The following TBC1D22A variants were observed in gnomAD, a reference collection of about 807,000 sequenced individuals.
The protein encoded by TBC1D22A is TBC1 domain family member 22A, also known as putative GTPase activator.
TBC1D22A carries 38 observed loss-of-function variants against 60.2 expected under a neutral mutation model. That is an observed-to-expected ratio of 0.63 (90% CI 0.49 to 0.83). The LOEUF (loss-of-function observed/expected upper bound fraction) is 0.83, where lower values mean the gene tolerates loss of function less well. TBC1D22A is among the 40% of genes least tolerant of loss of function. The pLI, the probability that TBC1D22A is intolerant of heterozygous loss-of-function variation, is 0.00. For synonymous variants in TBC1D22A, 302 were observed against 281.7 expected, an observed-to-expected ratio of 1.07 and a Z score of -0.72; for missense variants, 628 against 701.0, an observed-to-expected ratio of 0.90 and a Z score of 1.18.
chr22:46,977,621 C>T (rs2074353655), intron 9 of TBC1D22A, among the ~76,000 whole-genome samples: 1 of 152,180 alleles, frequency 6.6e-6, no homozygotes, highest in Non-Finnish European at 1.5e-5. Flanking sequence ...TAAAGAAGTG[C>T]CTGAGACTGG....
At chr22:47,148,517 G>A (rs942183583) in intron 12 of TBC1D22A, among the ~76,000 whole-genome samples, 16 of 151,932 alleles carry the variant, frequency 1.1e-4, no homozygotes, top group African/African-American at 3.9e-4. Flanking sequence ...TGCGTCTCAA[G>A]GGCCTGAACA....
At chr22:47,127,544 TG>T (rs1216088274) in intron 12 of TBC1D22A, among the ~76,000 whole-genome samples, 2 of 152,054 alleles carry the variant, frequency 1.3e-5, no homozygotes, top group African/African-American at 4.8e-5. Flanking sequence ...TCTTTTGACG[TG>T]GGCCTCCTAG....
At chr22:47,170,718 A>G (rs1270067894) in intron 12 of TBC1D22A, among the ~76,000 whole-genome samples, 3 of 137,980 alleles carry the variant, frequency 2.2e-5, no homozygotes, top group African/African-American at 1.0e-4. Context: ...CTCCTGATGC[A>G]GGACCGGAGA....
chr22:47,101,187 G>T (rs2065400783), intron 11 of TBC1D22A, among the ~76,000 whole-genome samples: 2 of 152,170 alleles, frequency 1.3e-5, no homozygotes, highest in Non-Finnish European at 2.9e-5. Flanking sequence ...TTCTTTTGTT[G>T]TATTAATCAG....
intron 4 of TBC1D22A, among the ~76,000 whole-genome samples, chr22:46,805,795 A>G (rs1159801955): frequency 9.4e-6 from 1 of 106,560 alleles, no homozygotes; most frequent in East Asian, 2.7e-4. Context: ...GCCCCCCCAC[A>G]CCCCCCACCC....
chr22:47,089,674 C>T (rs2064842942), intron 11 of TBC1D22A, among the ~76,000 whole-genome samples: 1 of 152,108 alleles, frequency 6.6e-6, no homozygotes, highest in South Asian at 2.1e-4. Flanking sequence ...AAGATCCTGT[C>T]TTGTTTCTTA....
At chr22:47,060,387 G>A (rs976355263) in intron 11 of TBC1D22A, among the ~76,000 whole-genome samples, 10 of 151,604 alleles carry the variant, frequency 6.6e-5, no homozygotes, top group South Asian at 2.1e-4. Context: ...GATTACAGGC[G>A]CCCACCACCA....
chr22:47,089,107 AAG>A (rs1414673984), intron 11 of TBC1D22A, among the ~76,000 whole-genome samples: 2 of 152,216 alleles, frequency 1.3e-5, no homozygotes, highest in Admixed American at 6.5e-5. Flanking sequence ...TTAAATGAGT[AAG>A]AGAGTTGGCT....
chr22:47,161,294 G>A (rs1369837133), intron 12 of TBC1D22A, among the ~76,000 whole-genome samples: 1 of 152,040 alleles, frequency 6.6e-6, no homozygotes, highest in African/African-American at 2.4e-5. Flanking sequence ...GCGACTGTCG[G>A]GGGCGGTCCA....
chr22:46,772,531 T>C (rs534626349), intron 1 of TBC1D22A, among the ~76,000 whole-genome samples: 4 of 45,818 alleles, frequency 8.7e-5, no homozygotes, highest in African/African-American at 3.9e-4. Flanking sequence ...TATACACACA[T>C]ATACATATAT....
At chr22:47,002,504 TA>T (rs370733169) in intron 10 of TBC1D22A, among the ~76,000 whole-genome samples, 2,041 of 152,354 alleles carry the variant, frequency 0.013, 20 homozygotes, top group Middle Eastern at 0.031. Context: ...ATTTTTTGAT[TA>T]AAAAAACCAT....
intron 8 of TBC1D22A, among the ~76,000 whole-genome samples, chr22:46,929,573 A>G (rs1193579303): frequency 2.0e-5 from 3 of 152,184 alleles, no homozygotes; most frequent in Non-Finnish European, 4.4e-5. Flanking sequence ...GAGCTCAAAG[A>G]TGCTAAGTGA....
At chr22:47,133,841 C>T (rs1339770248) in intron 12 of TBC1D22A, among the ~76,000 whole-genome samples, 4 of 152,234 alleles carry the variant, frequency 2.6e-5, no homozygotes, top group Admixed American at 2.0e-4. Flanking sequence ...ACGATCAACA[C>T]GGCCCCGGGC....
chr22:46,841,122 G>C (rs2086750550), intron 4 of TBC1D22A, among the ~76,000 whole-genome samples: 1 of 151,944 alleles, frequency 6.6e-6, no homozygotes. Flanking sequence ...GATTGCCATG[G>C]CCTTAATGAT....
At chr22:47,023,034 A>G (rs190604539) in intron 10 of TBC1D22A, among the ~76,000 whole-genome samples, 26 of 152,376 alleles carry the variant, frequency 1.7e-4, no homozygotes, top group Non-Finnish European at 3.7e-4. Flanking sequence ...AATGAGAACA[A>G]AAGTCAATCA....
intron 4 of TBC1D22A, among the ~76,000 whole-genome samples, chr22:46,867,545 A>T (rs557880312): frequency 9.8e-5 from 15 of 152,348 alleles, no homozygotes; most frequent in African/African-American, 2.9e-4. Context: ...AACCATTGGA[A>T]GAAGTGGATA....
intron 4 of TBC1D22A, among the ~76,000 whole-genome samples, chr22:46,858,723 C>T (rs552905437): frequency 1.1e-3 from 170 of 152,264 alleles, no homozygotes; most frequent in African/African-American, 3.9e-3. Context: ...GCGGCCTCAA[C>T]CATTCCAGAT....
intron 8 of TBC1D22A, among the ~76,000 whole-genome samples, chr22:46,930,544 C>A (rs1197005219): frequency 6.6e-6 from 1 of 152,140 alleles, no homozygotes; most frequent in African/African-American, 2.4e-5. Flanking sequence ...CAAGCTCCAC[C>A]TCCCAGGTTC....
intron 4 of TBC1D22A, among the ~76,000 whole-genome samples, chr22:46,854,889 T>C (rs2087489919): frequency 6.6e-6 from 1 of 152,218 alleles, no homozygotes; most frequent in African/African-American, 2.4e-5. Flanking sequence ...CCCCGGCTCA[T>C]TGTTAATCTC....
Sources: gnomAD v4.1 joint callset for allele counts (sites outside exome capture counted in the v4.1 genomes callset) on GRCh38, gnomAD v4.1.1 for gene constraint, MANE v1.5 for transcripts, NCBI Gene and HGNC (gene_info 2026-07-23, HGNC 2026-07-21) for gene names.